The following ARL6IP1 variants were observed in gnomAD, a reference collection of about 807,000 sequenced individuals.
The protein encoded by ARL6IP1 is ARL6 interacting reticulophagy regulator 1.
Under a neutral mutation model 30.1 loss-of-function variants are expected in ARL6IP1, and 16 were observed. That is an observed-to-expected ratio of 0.53 (90% CI 0.36 to 0.81). ARL6IP1 has a LOEUF of 0.81. Among genes scored for constraint, ARL6IP1 ranks in the 30% least tolerant of loss-of-function variants. ARL6IP1 has a pLI of 0.01. For synonymous variants in ARL6IP1, 72 were observed against 84.8 expected, an observed-to-expected ratio of 0.85 and a Z score of 0.83; for missense variants, 173 against 242.7, an observed-to-expected ratio of 0.71 and a Z score of 1.91.
Position 18,791,929 on chromosome 16 carries a change from T to C in ARL6IP1, c.*1323A>G, listed in dbSNP as rs917206720. 2.6e-5 allele frequency: 4 copies of C among 152,642 alleles called. No individual in the cohort carries two copies. Among genetic ancestry groups the C allele is most frequent in the Admixed American group, 1.3e-4 (2 of 15,276 alleles). 9.5% of individuals were successfully genotyped at this position (152,642 alleles called of 1,614,324 possible). A position where few individuals can be genotyped will look rare whatever the true frequency, so the allele number is the denominator to read the frequency against. On this transcript the variant is annotated 3_prime_UTR_variant, in exon 6 of 6. Transcript: ENST00000304414. Reference sequence around the variant, plus strand: ...ATTAAAGAGGAGAAAACAACACTTATTTAATAGGGACAGATATACCACAAG... The same window carrying C: ...ATTAAAGAGGAGAAAACAACACTTACTTAATAGGGACAGATATACCACAAG...
chr16:18,794,113 A>G (rs970450671), intron 5 of ARL6IP1, among the ~76,000 whole-genome samples: 25 of 152,028 alleles, frequency 1.6e-4, no homozygotes, highest in African/African-American at 5.8e-4. Flanking sequence ...CACCACATCC[A>G]ACTAATTTTT....
chr16:18,797,155 G>A (rs907665657), intron 3 of ARL6IP1, among the ~76,000 whole-genome samples: 10 of 151,806 alleles, frequency 6.6e-5, no homozygotes, highest in East Asian at 3.9e-4. Flanking sequence ...CGAGGCGGGC[G>A]GATCACAAGG....
In ARL6IP1 at chr16:18,792,001, T is replaced by TTAAG. The variant is rs2030083235; in HGVS notation, c.*1250_*1251insCTTA. The stretch of plus-strand genomic sequence containing the variant: ...TTCACAAAACTATATTACAGCTAGT[T>TTAAG]AATCAGTTTAAGAATTGTTCCCGTC... On this transcript the variant is annotated 3_prime_UTR_variant, in exon 6 of 6. Coordinates refer to ENST00000304414, the MANE Select transcript of ARL6IP1 (RefSeq NM_015161.3). 1 of 152,646 alleles carries TTAAG rather than the reference T, an allele frequency of 6.6e-6. No individual in the cohort carries two copies. Among genetic ancestry groups the TTAAG allele is most frequent in the African/African-American group, 2.4e-5 (1 of 41,456 alleles). 9.5% of individuals were successfully genotyped at this position (152,646 alleles called of 1,614,324 possible).
At chr16:18,797,687 TATC>T in intron 3 of ARL6IP1, 1 of 367,432 alleles carries the variant, frequency 2.7e-6, no homozygotes, top group African/African-American at 2.1e-5. Flanking sequence ...CTATCCTAAA[TATC>T]AATGGAAATG....
intron 1 of ARL6IP1, 69 bp downstream of exon 1, chr16:18,801,362 G>A (rs1297243640): frequency 1.9e-6 from 3 of 1,593,358 alleles, no homozygotes; most frequent in Non-Finnish European, 2.6e-6. Context: ...GGACGAGGCC[G>A]CGGTGTTTGA....
Position 18,801,514 on chromosome 16 carries a change from G to C in ARL6IP1, c.-48C>G, listed in dbSNP as rs201634714. On this transcript the variant is annotated 5_prime_UTR_variant, in exon 1 of 6. Transcript: ENST00000304414. ...CAAGCGCAGGCCACCTCCCCAACGA[G>C]TCCTCCAACCGAAACCCGCACACCA... 4 of 1,601,942 alleles carry C rather than the reference G, an allele frequency of 2.5e-6. No individual in the cohort carries two copies. Among genetic ancestry groups the C allele is most frequent in the Admixed American group, 3.5e-5 (2 of 57,022 alleles).
intron 1 of ARL6IP1, 147 bp downstream of exon 1, chr16:18,801,284 A>G (rs2030401629): frequency 2.7e-6 from 4 of 1,480,820 alleles, no homozygotes; most frequent in Non-Finnish European, 1.8e-6. Context: ...GAGTCACCCA[A>G]GAAGCCCGAG....
chr16:18,793,147 G>A lies in ARL6IP1; in HGVS notation c.*105C>T. On this transcript the variant is annotated 3_prime_UTR_variant, in exon 6 of 6. Transcript: ENST00000304414. ...TATTAACTAAGGGCAGAGTGAGGGA[G>A]AACAAAGAGCTACTTCCGTAACATT... 1.4e-6 allele frequency: 1 copy of A among 737,132 alleles called. No homozygotes were observed. 45.7% of individuals were successfully genotyped at this position (737,132 alleles called of 1,614,324 possible).
intron 4 of ARL6IP1, among the ~76,000 whole-genome samples, chr16:18,794,964 A>G (rs929757385): frequency 6.6e-6 from 1 of 152,010 alleles, no homozygotes; most frequent in African/African-American, 2.4e-5. Context: ...TTCACGGAAC[A>G]GCCTCACGAC....
chr16:18,793,108 C>T lies in ARL6IP1; in HGVS notation c.*144G>A, dbSNP rs1253056197. On this transcript the variant is annotated 3_prime_UTR_variant, in exon 6 of 6. Transcript: ENST00000304414. The stretch of plus-strand genomic sequence containing the variant: ...ACACTATGCACGAAGCCTTACTTGG[C>T]GAGTCTGAATTTCTATTAACTAAGG... 5 of 583,882 alleles carry T rather than the reference C, an allele frequency of 8.6e-6. No individual in the cohort carries two copies. The East Asian group carries it at 1.2e-4, about 14-fold the overall frequency. 36.2% of individuals were successfully genotyped at this position (583,882 alleles called of 1,614,324 possible).
chr16:18,799,463 T>C (rs1567292912), intron 1 of ARL6IP1, among the ~76,000 whole-genome samples: 1 of 152,246 alleles, frequency 6.6e-6, no homozygotes, highest in Non-Finnish European at 1.5e-5. Context: ...GTTTACTTTC[T>C]CAAAGTCATG....
At chr16:18,796,429 C>T (rs1451096096) in intron 3 of ARL6IP1, among the ~76,000 whole-genome samples, 1 of 152,178 alleles carries the variant, frequency 6.6e-6, no homozygotes, top group Non-Finnish European at 1.5e-5. Flanking sequence ...ATGGTCAAGG[C>T]TAGATTGTGG....
chr16:18,800,796 G>C (rs2030383447), intron 1 of ARL6IP1, among the ~76,000 whole-genome samples: 1 of 152,096 alleles, frequency 6.6e-6, no homozygotes, highest in African/African-American at 2.4e-5. Flanking sequence ...CAGTTCCTTC[G>C]GATCCCTGCT....
chr16:18,795,725 C>T (rs559183712), intron 3 of ARL6IP1, 144 bp from the exon 4 acceptor site: 196 of 602,166 alleles, frequency 3.3e-4, no homozygotes, highest in Middle Eastern at 1.4e-3. Context: ...GTGAAAAAAT[C>T]CTTCCACCAT....
In ARL6IP1 at chr16:18,793,296, C is replaced by T; in HGVS notation, c.568G>A (p.Glu190Lys). The part of the protein sequence containing the change: ...ILKYIGMAKR[E>K]INKLLKQKEK... ...TTTTGTTTGAGAAGTTTGTTTATCT[C>T]CCTCTTGGCCATTCCAATGTACTTC... The change falls in exon 6 of 6, where the codon GAG (glutamate) becomes AAG (lysine). Residue 190 changes from glutamate (E) to lysine (K), a missense_variant. Glu to Lys is a moderately conservative substitution (Grantham distance 56). Transcript: ENST00000304414. 6.2e-7 allele frequency: 1 copy of T among 1,613,122 alleles called. No individual in the cohort carries two copies. The highest frequency in any genetic ancestry group is 2.2e-5 in the East Asian group (1 of 44,854).
chr16:18,797,863 T>A, intron 3 of ARL6IP1, 62 bp downstream of exon 3: 3 of 1,574,622 alleles, frequency 1.9e-6, no homozygotes, highest in Non-Finnish European at 2.6e-6. Flanking sequence ...AGCATACTAA[T>A]CACAGCCACC....
In ARL6IP1 at chr16:18,801,237, G is replaced by A; in HGVS notation, c.36+194C>T. 19 of 1,418,696 alleles carry A rather than the reference G, an allele frequency of 1.3e-5. No individual in the cohort carries two copies. The South Asian group carries it at 2.8e-4, about 21-fold the overall frequency. 87.9% of individuals were successfully genotyped at this position (1,418,696 alleles called of 1,614,324 possible). A position where few individuals can be genotyped will look rare whatever the true frequency, so the allele number is the denominator to read the frequency against. On this transcript the variant is annotated intron_variant, in intron 1 of 5. Transcript: ENST00000304414. ...TCACGCGCCCTCCTCGCCCCGTCGC[G>A]CACCGTCCCCAGGAAAGGTAAGGGT... is the stretch of plus-strand genomic sequence containing the variant.
intron 1 of ARL6IP1, among the ~76,000 whole-genome samples, chr16:18,799,555 G>A (rs1383552897): frequency 1.3e-5 from 2 of 152,094 alleles, no homozygotes; most frequent in Non-Finnish European, 2.9e-5. Context: ...GGTTAGAATT[G>A]ATCCGTTGTT....
intron 4 of ARL6IP1, chr16:18,795,113 G>A (rs1442609453): frequency 4.6e-6 from 1 of 215,722 alleles, no homozygotes; most frequent in South Asian, 6.4e-5. Flanking sequence ...GCTCACTGCA[G>A]CCTCGACCTC....
Sources: gnomAD v4.1 joint callset for allele counts (sites outside exome capture counted in the v4.1 genomes callset) on GRCh38, gnomAD v4.1.1 for gene constraint, MANE v1.5 for transcripts, NCBI Gene and HGNC (gene_info 2026-07-23, HGNC 2026-07-21) for gene names.